The following THADA variants were observed in gnomAD, a reference collection of about 807,000 sequenced individuals.
THADA encodes the protein THADA armadillo repeat containing, also known as tRNA (32-2'-O)-methyltransferase regulator THADA.
In THADA, 213 loss-of-function variants were observed where a neutral mutation model predicts 219.8. That is an observed-to-expected ratio of 0.97 (90% confidence interval 0.87 to 1.09). The LOEUF (loss-of-function observed/expected upper bound fraction) is 1.09. THADA is among the 50% of genes least tolerant of loss of function. THADA has a pLI of 0.00. For synonymous variants in THADA, 1,018 were observed against 828.9 expected (o/e 1.23, Z -3.92); for missense variants, 2,956 against 2,311.3 (o/e 1.28, Z -5.72).
intron 24 of THADA, among the ~76,000 whole-genome samples, chr2:43,505,101 T>C (rs1169279120): frequency 6.6e-6 from 1 of 152,118 alleles, no homozygotes; most frequent in Non-Finnish European, 1.5e-5. Flanking sequence ...GATACCATAT[T>C]TAAAGGAAAT....
At chr2:43,592,438 G>A (rs1434134649) in intron 1 of THADA, 22 bp from the exon 2 acceptor site, 2 of 1,378,642 alleles carry the variant, frequency 1.5e-6, no homozygotes, top group Non-Finnish European at 2.0e-6. Context: ...AAGACTTTAA[G>A]GCATTAATGT....
intron 36 of THADA, among the ~76,000 whole-genome samples, chr2:43,274,741 G>A (rs987836568): frequency 3.3e-5 from 5 of 151,944 alleles, no homozygotes; most frequent in Admixed American, 2.6e-4. Context: ...AGGAGAGAGG[G>A]ACCAGAACTA....
At chr2:43,406,166 C>G (rs1016492455) in intron 28 of THADA, among the ~76,000 whole-genome samples, 8 of 152,264 alleles carry the variant, frequency 5.3e-5, no homozygotes, top group Admixed American at 4.6e-4. Context: ...GGCAGAAACA[C>G]AGTCCCAGGT....
chr2:43,450,879 G>A (rs543320750), intron 26 of THADA, among the ~76,000 whole-genome samples: 1 of 152,300 alleles, frequency 6.6e-6, no homozygotes, highest in South Asian at 2.1e-4. Context: ...TCCTTTCTAT[G>A]AGGTAGCTAG....
intron 35 of THADA, among the ~76,000 whole-genome samples, chr2:43,281,261 C>A (rs1047223451): frequency 3.9e-5 from 6 of 152,090 alleles, no homozygotes; most frequent in Non-Finnish European, 8.8e-5. Flanking sequence ...TTTTACTCAG[C>A]CTTTCAGTCT....
At chr2:43,545,691 T>C (rs1695932350) in intron 20 of THADA, among the ~76,000 whole-genome samples, 1 of 151,966 alleles carries the variant, frequency 6.6e-6, no homozygotes, top group Non-Finnish European at 1.5e-5. Flanking sequence ...CTGATGGTAG[T>C]TTGTATTTCT....
At chr2:43,579,400 C>A (rs986772033) in intron 8 of THADA, among the ~76,000 whole-genome samples, 6 of 152,180 alleles carry the variant, frequency 3.9e-5, no homozygotes, top group African/African-American at 1.4e-4. Flanking sequence ...CCCATAGCAA[C>A]CAAACAGTTT....
At chr2:43,331,738 A>G (rs1665791344) in intron 30 of THADA, among the ~76,000 whole-genome samples, 1 of 152,120 alleles carries the variant, frequency 6.6e-6, no homozygotes, top group African/African-American at 2.4e-5. Flanking sequence ...ACTCTGCTCT[A>G]CCGCCCATCT....
chr2:43,320,157 C>T (rs1478556917), intron 31 of THADA, among the ~76,000 whole-genome samples: 1 of 152,126 alleles, frequency 6.6e-6, no homozygotes, highest in Non-Finnish European at 1.5e-5. Context: ...AAAGAAAATA[C>T]ATAAAATAGA....
chr2:43,268,752 T>A (rs972716292), intron 36 of THADA, among the ~76,000 whole-genome samples: 1 of 152,180 alleles, frequency 6.6e-6, no homozygotes, highest in Non-Finnish European at 1.5e-5. Context: ...AGCACTGTCA[T>A]GACAGCCTGG....
At chr2:43,287,753 T>G (rs1183449694) in intron 34 of THADA, among the ~76,000 whole-genome samples, 1 of 152,140 alleles carries the variant, frequency 6.6e-6, no homozygotes, top group African/African-American at 2.4e-5. Context: ...AACCCCAGAT[T>G]CTTGGCTGGG....
At chr2:43,273,511 G>T (rs887639710) in intron 36 of THADA, among the ~76,000 whole-genome samples, 1 of 152,166 alleles carries the variant, frequency 6.6e-6, no homozygotes, top group Non-Finnish European at 1.5e-5. Flanking sequence ...TACCTGAGTC[G>T]ATTAGGAAAG....
intron 26 of THADA, among the ~76,000 whole-genome samples, chr2:43,471,066 A>G (rs1419827938): frequency 1.3e-5 from 2 of 152,202 alleles, no homozygotes; most frequent in Non-Finnish European, 2.9e-5. Context: ...TTTTTCTTCA[A>G]TTCACACTTG....
chr2:43,284,694 C>T (rs1040480005), intron 35 of THADA, among the ~76,000 whole-genome samples: 1 of 152,162 alleles, frequency 6.6e-6, no homozygotes, highest in African/African-American at 2.4e-5. Flanking sequence ...GAGAAGAGGA[C>T]CACCGTCCTC....
chr2:43,310,222 TC>T (rs371025361), intron 31 of THADA, among the ~76,000 whole-genome samples: 1 of 64,498 alleles, frequency 1.6e-5, no homozygotes, highest in African/African-American at 6.0e-5. Flanking sequence ...TCCCTCCCTT[TC>T]CCGCCCCCCC....
chr2:43,467,726 A>G (rs1684426829), intron 26 of THADA, among the ~76,000 whole-genome samples: 1 of 152,208 alleles, frequency 6.6e-6, no homozygotes, highest in South Asian at 2.1e-4. Flanking sequence ...TTGACTATTA[A>G]TTTTAAAAAG....
intron 29 of THADA, among the ~76,000 whole-genome samples, chr2:43,344,569 T>TTC (rs1667423249): frequency 6.6e-6 from 1 of 152,230 alleles, no homozygotes; most frequent in Admixed American, 6.5e-5. Context: ...ATCTTTATGT[T>TTC]AGCTGTCGCA....
At position 43,581,678 on chromosome 2, in the gene THADA, C is replaced by T; in HGVS notation, c.721+63G>A. The T allele has an allele frequency of 2.1e-6, 3 of 1,415,838 alleles. No individual in the cohort carries two copies. In the East Asian group the frequency reaches 7.0e-5, roughly 33 times the overall value. 87.7% of individuals were successfully genotyped at this position (1,415,838 alleles called of 1,614,324 possible). On this transcript the variant is annotated intron_variant, in intron 8 of 37. Coordinates refer to ENST00000405975, the MANE Select transcript of THADA (RefSeq NM_022065.5). ...CATTTCACACTATTAGTAGGAAAAG[C>T]TGATTGACACTCAATTTTAACTGTC... is the stretch of plus-strand genomic sequence containing the variant.
At chr2:43,349,282 G>A (rs1367314153) in intron 29 of THADA, among the ~76,000 whole-genome samples, 2 of 152,132 alleles carry the variant, frequency 1.3e-5, no homozygotes, top group South Asian at 2.1e-4. Flanking sequence ...GGAGAACCTG[G>A]AAGCAGTTAC....
Sources: allele counts gnomAD v4.1 joint callset (sites outside exome capture counted in the v4.1 genomes callset), GRCh38; gene constraint gnomAD v4.1.1; transcripts MANE v1.5; gene names NCBI Gene and HGNC (gene_info 2026-07-23, HGNC 2026-07-21).